Variants in FYN observed in about 807,000 individuals in gnomAD.
FYN encodes the protein FYN proto-oncogene, Src family tyrosine kinase.
FYN carries 10 observed loss-of-function variants against 70.2 expected under a neutral mutation model. The ratio of observed to expected loss-of-function variants is 0.14; its 90% confidence interval spans 0.09 to 0.24. FYN has a LOEUF of 0.24. FYN is among the 10% of genes least tolerant of loss of function. The pLI, the probability that FYN is intolerant of heterozygous loss-of-function variation, is 1.00. For missense variants in FYN, 319 were observed against 673.1 expected, an observed-to-expected ratio of 0.47 and a Z score of 5.82; for synonymous variants, 236 against 248.6, an observed-to-expected ratio of 0.95 and a Z score of 0.48.
intron 3 of FYN, among the ~76,000 whole-genome samples, chr6:111,763,716 A>AT (rs1018453775): frequency 2.0e-5 from 3 of 152,118 alleles, no homozygotes; most frequent in Non-Finnish European, 2.9e-5. Flanking sequence ...TTAACTATAC[A>AT]TTTTTTCATG....
intron 3 of FYN, among the ~76,000 whole-genome samples, chr6:111,751,621 ATTCT>A (rs1459895807): frequency 9.2e-6 from 1 of 108,906 alleles, no homozygotes; most frequent in South Asian, 3.1e-4. Flanking sequence ...CTCCATTCAA[ATTCT>A]TTCTTTTTTT....
intron 2 of FYN, among the ~76,000 whole-genome samples, chr6:111,796,020 T>TTA (rs968857525): frequency 6.6e-6 from 1 of 152,224 alleles, no homozygotes; most frequent in Admixed American, 6.5e-5. Context: ...AAACCTCACT[T>TTA]TATCCTTATT....
At chr6:111,668,362 A>T (rs549936372) in intron 13 of FYN, among the ~76,000 whole-genome samples, 1 of 152,350 alleles carries the variant, frequency 6.6e-6, no homozygotes, top group Admixed American at 6.5e-5. Flanking sequence ...TCATCTTGCC[A>T]GATAACCTCA....
chr6:111,855,431 T>C (rs1773799157), intron 1 of FYN, among the ~76,000 whole-genome samples: 1 of 152,238 alleles, frequency 6.6e-6, no homozygotes, highest in Admixed American at 6.5e-5. Context: ...TTATGTCACA[T>C]GCATAATTCA....
At chr6:111,811,497 G>T (rs1031396617) in intron 2 of FYN, among the ~76,000 whole-genome samples, 2 of 152,154 alleles carry the variant, frequency 1.3e-5, no homozygotes, top group Non-Finnish European at 2.9e-5. Context: ...AAGACAAAGG[G>T]CAGAATGTAG....
At chr6:111,783,550 A>G (rs1771253822) in intron 2 of FYN, among the ~76,000 whole-genome samples, 1 of 152,268 alleles carries the variant, frequency 6.6e-6, no homozygotes, top group African/African-American at 2.4e-5. Context: ...CAACGCCTGC[A>G]TCACCATAAA....
chr6:111,723,746 T>C (rs1425328769), intron 3 of FYN, among the ~76,000 whole-genome samples: 1 of 152,226 alleles, frequency 6.6e-6, no homozygotes, highest in Non-Finnish European at 1.5e-5. Flanking sequence ...AATAAAAGTA[T>C]CCTTTATTAT....
intron 2 of FYN, among the ~76,000 whole-genome samples, chr6:111,799,687 G>A (rs113919535): frequency 2.3e-3 from 356 of 152,294 alleles, no homozygotes; most frequent in African/African-American, 7.8e-3. Context: ...TCAGTTCTCC[G>A]TTTCATGATG....
At chr6:111,675,717 C>T (rs1309457315) in intron 12 of FYN, among the ~76,000 whole-genome samples, 1 of 151,748 alleles carries the variant, frequency 6.6e-6, no homozygotes, top group Non-Finnish European at 1.5e-5. Context: ...CACTTGAACC[C>T]AGGAGGCAGA....
intron 3 of FYN, among the ~76,000 whole-genome samples, chr6:111,767,672 T>C (rs1251185884): frequency 6.6e-6 from 1 of 152,246 alleles, no homozygotes; most frequent in Non-Finnish European, 1.5e-5. Flanking sequence ...AGTGCTGGGA[T>C]TACAGGCATG....
intron 3 of FYN, among the ~76,000 whole-genome samples, chr6:111,776,221 A>G (rs767839801): frequency 3.5e-4 from 53 of 152,198 alleles, no homozygotes; most frequent in Non-Finnish European, 6.6e-4. Context: ...ACAAGCCAAC[A>G]GCAAAGGCAT....
intron 2 of FYN, among the ~76,000 whole-genome samples, chr6:111,841,780 T>G (rs1042060993): frequency 9.4e-5 from 13 of 137,716 alleles, no homozygotes; most frequent in Non-Finnish European, 1.6e-4. Context: ...GAAGAGGGAT[T>G]TTTTTTTTTT....
In FYN at chr6:111,707,955, T is replaced by A; in HGVS notation, c.410A>T (p.Tyr137Phe). The change falls in exon 6 of 14, where the codon TAT becomes TTT. Residue 137 changes from tyrosine (Y) to phenylalanine (F), a missense_variant. Coordinates refer to ENST00000354650, the MANE Select transcript of FYN (RefSeq NM_002037.5). ...CTGGATAGAGTCAACTGGAGCCACA[T>A]AATTGCTGGGAATGTAACCTGTCTC... ...TGETGYIPSNYVAPVDSIQAE... is the reference protein window; with the variant it reads ...TGETGYIPSNFVAPVDSIQAE... The A allele has an allele frequency of 6.2e-7, 1 of 1,614,044 alleles. No individual in the cohort carries two copies. The highest frequency in any genetic ancestry group is 8.5e-7 in the Non-Finnish European group (1 of 1,179,920).
intron 13 of FYN, among the ~76,000 whole-genome samples, chr6:111,673,790 T>G (rs1798417262): frequency 6.6e-6 from 1 of 152,074 alleles, no homozygotes; most frequent in South Asian, 2.1e-4. Flanking sequence ...ATGGCATGGG[T>G]GTCCTTTATG....
intron 8 of FYN, among the ~76,000 whole-genome samples, chr6:111,700,731 C>T (rs913028678): frequency 5.3e-5 from 8 of 152,296 alleles, no homozygotes; most frequent in African/African-American, 1.9e-4. Context: ...GTCAATATGA[C>T]TGTTCTTCCC....
At position 111,703,043 on chromosome 6, in the gene FYN, C is replaced by T. The variant is rs750940060; in HGVS notation, c.548-9G>A. 27 of 1,612,798 alleles carry T rather than the reference C, an allele frequency of 1.7e-5. No homozygotes were observed. In the Admixed American group the frequency reaches 2.2e-4, roughly 13 times the overall value. On this transcript the variant is annotated splice_polypyrimidine_tract_variant and intron_variant, in intron 7 of 13. Coordinates refer to ENST00000354650, the MANE Select transcript of FYN (RefSeq NM_002037.5). ...AGAAAGTGAATAGGCACCTGGTAAA[C>T]GTGGAAAGCATTAGCAGCTCCAATC...
chr6:111,698,532 G>C (rs968071013), intron 9 of FYN, among the ~76,000 whole-genome samples: 1 of 152,164 alleles, frequency 6.6e-6, no homozygotes, highest in Non-Finnish European at 1.5e-5. Flanking sequence ...TTCTGAGGAA[G>C]GAAGATAGAG....
chr6:111,735,141 T>G (rs146744770), intron 3 of FYN, among the ~76,000 whole-genome samples: 1,718 of 152,316 alleles, frequency 0.011, 25 homozygotes, highest in African/African-American at 0.024. Context: ...CAAAGAACCG[T>G]AAGTGTTCTT....
chr6:111,749,047 C>T (rs1383784580), intron 3 of FYN, among the ~76,000 whole-genome samples: 3 of 152,092 alleles, frequency 2.0e-5, no homozygotes, highest in Non-Finnish European at 4.4e-5. Context: ...TGCATTCTAC[C>T]CTGACCTGCT....
Sources: allele counts gnomAD v4.1 joint callset (sites outside exome capture counted in the v4.1 genomes callset), GRCh38; gene constraint gnomAD v4.1.1; transcripts MANE v1.5; gene names NCBI Gene and HGNC (gene_info 2026-07-23, HGNC 2026-07-21).